ZACN: variants seen among roughly 807,000 people sequenced by gnomAD.
The protein encoded by ZACN is zinc activated ion channel, also known as ligand-gated cation channel ZACN.
ZACN carries 52 observed loss-of-function variants against 38.9 expected under a neutral mutation model. The observed-to-expected ratio is 1.34, with a 90% CI of 1.07 to 1.68. ZACN has a LOEUF of 1.68. ZACN is among the 40% of genes most tolerant of loss of function. ZACN has a pLI of 0.00. For missense variants in ZACN, 559 were observed against 525.6 expected (o/e 1.06, Z -0.62); for synonymous variants, 235 against 227.4 (o/e 1.03, Z -0.30).
In ZACN at chr17:76,082,021, C is replaced by T. The variant is rs143351795; in HGVS notation, c.1020C>T (p.His340=). The part of the protein sequence containing the change: ...SPAPRGEQRE[H]GNPGPHPAEE... Reference sequence around the variant, plus strand: ...CCCCGAGAGGGGAACAGCGAGAGCACGGCAACCCAGGGCCTCATCCTGCTG... The same window carrying T: ...CCCCGAGAGGGGAACAGCGAGAGCATGGCAACCCAGGGCCTCATCCTGCTG... The change falls in exon 8 of 9, where the codon CAC becomes CAT. Residue 340 remains histidine (H), a synonymous_variant. Transcript: ENST00000334586. 1.2e-4 allele frequency: 191 copies of T among 1,610,954 alleles called. 1 individual carries two copies. The African/African-American group carries it at 2.0e-3, about 17-fold the overall frequency.
chr17:76,080,619 C>T (rs950120982), intron 5 of ZACN, 195 bp downstream of exon 5: 33 of 785,066 alleles, frequency 4.2e-5, no homozygotes, highest in South Asian at 1.0e-4. Flanking sequence ...TCTCCCACTG[C>T]GCCCCCCACT....
chr17:76,080,964 TC>T, intron 5 of ZACN: 1 of 400,578 alleles, frequency 2.5e-6, no homozygotes, highest in South Asian at 2.0e-5. Context: ...GGATCCTGCT[TC>T]AGCTGTGAGA....
intron 2 of ZACN, 59 bp downstream of exon 2, chr17:76,079,622 C>A: frequency 6.2e-7 from 1 of 1,612,478 alleles, no homozygotes; most frequent in East Asian, 2.2e-5. Context: ...CAGGACTCAG[C>A]CCTGGATAGT....
At chr17:76,082,127 G>A (rs2144571742) in intron 8 of ZACN, 78 bp downstream of exon 8, 1 of 1,481,706 alleles carries the variant, frequency 6.7e-7, no homozygotes, top group Middle Eastern at 2.2e-4. Context: ...AGGTCCAGGT[G>A]TGGGTAGAGG....
chr17:76,079,386 C>T, intron 1 of ZACN, 25 bp downstream of exon 1: 1 of 1,614,028 alleles, frequency 6.2e-7, no homozygotes, highest in Non-Finnish European at 8.5e-7. Flanking sequence ...AGGTCATAAG[C>T]TTTGGGACTT....
intron 6 of ZACN, 22 bp from the exon 7 acceptor site, chr17:76,081,523 G>C (rs1239794562): frequency 1.2e-6 from 2 of 1,612,354 alleles, no homozygotes; most frequent in Non-Finnish European, 1.7e-6. Flanking sequence ...CGCCGGGAAG[G>C]CCCTGACTTT....
In ZACN at chr17:76,079,726, T is replaced by C. The variant is rs570259408; in HGVS notation, c.247T>C (p.Ser83Pro). 15 of 1,613,662 alleles carry C rather than the reference T, an allele frequency of 9.3e-6. No homozygotes were observed. In the East Asian group the frequency reaches 1.6e-4, roughly 17 times the overall value. Residue 83 changes from serine to proline, a missense_variant, in exon 3 of 9, where the codon TCC becomes CCC. Physicochemically the swap from Ser to Pro is moderately conservative, Grantham distance 74 (BLOSUM62 -1). Transcript: ENST00000334586. Reference sequence around the variant, plus strand: ...GGACATCCTGCGATACACAATGTCCTCCATGCTGCTGCTTAGGCTGGTGAG... The same window carrying C: ...GGACATCCTGCGATACACAATGTCCCCCATGCTGCTGCTTAGGCTGGTGAG... Reference protein sequence around the residue: ...NVDILRYTMSSMLLLRLSWLD... With the variant: ...NVDILRYTMSPMLLLRLSWLD...
rs754968223 is a variant in ZACN, at chr17:76,080,801, C to T, written c.544+377C>T. ...CATGGCGACTGCAGTGGCTCGGCCC[C>T]TTGCAGCAAGGCCAGAGGCTCAGGT... On this transcript the variant is annotated intron_variant, in intron 5 of 8. Coordinates refer to ENST00000334586, the MANE Select transcript of ZACN (RefSeq NM_180990.4). 9.3e-4 allele frequency: 446 copies of T among 481,220 alleles called. 1 individual carries two copies. The highest frequency in any genetic ancestry group is 1.4e-3 in the Non-Finnish European group (340 of 243,658). The allele number at this position is 481,220 out of a possible 1,614,324, so 29.8% of individuals were successfully genotyped here. A position where few individuals can be genotyped will look rare whatever the true frequency, so the allele number is the denominator to read the frequency against.
At chr17:76,080,625 CCA>C in intron 5 of ZACN, 1 of 760,686 alleles carries the variant, frequency 1.3e-6, no homozygotes, top group Non-Finnish European at 2.3e-6. Context: ...ACTGCGCCCC[CCA>C]CTCGAGTGGC....
chr17:76,080,086 C>A (rs900383900), intron 4 of ZACN, 92 bp downstream of exon 4: 108 of 1,478,984 alleles, frequency 7.3e-5, no homozygotes, highest in Non-Finnish European at 9.1e-5. Flanking sequence ...GTGAATATGA[C>A]CCTCCTGGCG....
chr17:76,081,512 C>A (rs143922990), intron 6 of ZACN, 33 bp from the exon 7 acceptor site: 11 of 1,611,166 alleles, frequency 6.8e-6, no homozygotes, highest in Non-Finnish European at 9.3e-6. Flanking sequence ...TCCTTCCCCC[C>A]CGCCGGGAAG....
Position 76,079,269 on chromosome 17 carries a change from T to C in ZACN, c.5T>C (p.Met2Thr). Residue 2 changes from methionine to threonine, a missense_variant, in exon 1 of 9, where the codon ATG (methionine) becomes ACG (threonine). Coordinates refer to ENST00000334586, the MANE Select transcript of ZACN (RefSeq NM_180990.4). The part of the protein sequence containing the change: M[M>T]ALWSLLHLTF... ...TCCAGTCCCTCCGTGCAGCCGATGA[T>C]GGCCCTATGGTCCCTGCTCCATCTC... is the stretch of plus-strand genomic sequence containing the variant. 6.2e-7 allele frequency: 1 copy of C among 1,611,824 alleles called. No individual in the cohort carries two copies. Among genetic ancestry groups the C allele is most frequent in the Non-Finnish European group, 8.5e-7 (1 of 1,178,290 alleles).
chr17:76,080,089 T>A (rs374453783), intron 4 of ZACN, 95 bp downstream of exon 4: 9 of 1,473,092 alleles, frequency 6.1e-6, no homozygotes, highest in Admixed American at 2.0e-5. Flanking sequence ...AATATGACCC[T>A]CCTGGCGGTC....
At position 76,081,920 on chromosome 17, in the gene ZACN, A is replaced by G; in HGVS notation, c.919A>G (p.Ser307Gly). 3 of 1,612,096 alleles carry G rather than the reference A, an allele frequency of 1.9e-6. No homozygotes were observed. Among genetic ancestry groups the G allele is most frequent in the Middle Eastern group, 3.3e-4 (2 of 6,050 alleles). ...CATCCTGCTGCTGCTGCTCTTCCTC[A>G]GCACCATAGAGACTGTGCTGCTGGC... ...FTILLLLLFLSTIETVLLAGL... is the reference protein window; with the variant it reads ...FTILLLLLFLGTIETVLLAGL... Residue 307 changes from serine to glycine, a missense_variant, in exon 8 of 9, where the codon AGC becomes GGC. Physicochemically the swap from Ser to Gly is moderately conservative, Grantham distance 56 (BLOSUM62 0). Transcript: ENST00000334586.
intron 6 of ZACN, 32 bp from the exon 7 acceptor site, chr17:76,081,513 C>G (rs762812199): frequency 2.2e-5 from 36 of 1,610,850 alleles, no homozygotes; most frequent in South Asian, 1.6e-4. Flanking sequence ...CCTTCCCCCC[C>G]GCCGGGAAGG....
At position 76,082,621 on chromosome 17, in the gene ZACN, G is replaced by A. The variant is rs745524081; in HGVS notation, c.1207G>A (p.Ala403Thr). 1 of 1,613,014 alleles carries A rather than the reference G, an allele frequency of 6.2e-7. No individual in the cohort carries two copies. Among genetic ancestry groups the A allele is most frequent in the Non-Finnish European group, 8.5e-7 (1 of 1,179,724 alleles). ...CAAGTCTGACGCAGCCCCTGGAGAG[G>A]CTGCACCCCATGGCAGGCGGCCTAG... ...ACKSDAAPGE[A>T]APHGRRPRL Residue 403 changes from alanine to threonine, a missense_variant, in exon 9 of 9, where the codon GCT becomes ACT. By Grantham distance (58) the Ala-to-Thr change is moderately conservative. Transcript: ENST00000334586.
Position 76,082,550 on chromosome 17 carries a change from TGTGCACCCAATTCGTCTTTGCA to T in ZACN, c.1138_1159del (p.Cys380GlufsTer38). The T allele has an allele frequency of 7.4e-6, 12 of 1,613,792 alleles. No individual in the cohort carries two copies. Among genetic ancestry groups the T allele is most frequent in the Non-Finnish European group, 1.0e-5 (12 of 1,179,878 alleles). ...TTCCTCGTGTATGTGGTTGGGGTGC[TGTGCACCCAATTCGTCTTTGCA>T]GGAATCTGGATGTGGGCAGCGTGCA... On this transcript the variant is annotated frameshift_variant, in exon 9 of 9. Coordinates refer to ENST00000334586, the MANE Select transcript of ZACN (RefSeq NM_180990.4). LOFTEE classifies it low-confidence loss of function (END_TRUNC).
At chr17:76,079,824 T>C (rs2066921465) in intron 3 of ZACN, 64 bp from the exon 4 acceptor site, 5 of 1,601,222 alleles carry the variant, frequency 3.1e-6, no homozygotes, top group Non-Finnish European at 4.3e-6. Context: ...TTCATCAACA[T>C]GCTGAGCTTA....
In ZACN at chr17:76,081,537, C is replaced by T; in HGVS notation, c.670-8C>T. On this transcript the variant is annotated splice_polypyrimidine_tract_variant and splice_region_variant and intron_variant, in intron 6 of 8. Coordinates refer to ENST00000334586, the MANE Select transcript of ZACN (RefSeq NM_180990.4). ...CCGCCGGGAAGGCCCTGACTTTTCC[C>T]CTTCCAGCTGAGGCTGAAGAACACG... 6.2e-7 allele frequency: 1 copy of T among 1,613,106 alleles called. No individual in the cohort carries two copies. The highest frequency in any genetic ancestry group is 8.5e-7 in the Non-Finnish European group (1 of 1,179,970).
Sources: gnomAD v4.1 joint callset for allele counts on GRCh38, gnomAD v4.1.1 for gene constraint, MANE v1.5 for transcripts, NCBI Gene and HGNC (gene_info 2026-07-23, HGNC 2026-07-21) for gene names.